The following PCDHGA1 variants were observed in gnomAD, a reference collection of about 807,000 sequenced individuals.
The protein encoded by PCDHGA1 is protocadherin gamma subfamily A, 1.
Under a neutral mutation model 58.0 loss-of-function variants are expected in PCDHGA1, and 32 were observed. That is an observed-to-expected ratio of 0.55 (90% CI 0.42 to 0.74). The LOEUF is 0.74. Among genes scored for constraint, PCDHGA1 ranks in the 30% least tolerant of loss-of-function variants. The pLI is 0.00. For synonymous variants in PCDHGA1, 498 were observed against 501.1 expected (o/e 0.99, Z 0.08); for missense variants, 1,205 against 1,182.3 (o/e 1.02, Z -0.28).
At chr5:141,392,859 CT>C in intron 1 of PCDHGA1, 1 of 1,612,504 alleles carries the variant, frequency 6.2e-7, no homozygotes, top group Non-Finnish European at 8.5e-7. Flanking sequence ...GCTGATCCTG[CT>C]GTGCGCGCTG....
intron 1 of PCDHGA1, chr5:141,404,338 G>A (rs752211796): frequency 1.9e-5 from 30 of 1,613,686 alleles, no homozygotes; most frequent in Non-Finnish European, 2.4e-5. Flanking sequence ...TCTACCTCCC[G>A]GAAAACAACG....
chr5:141,428,110 C>G (rs917739943), intron 1 of PCDHGA1: 11 of 1,607,538 alleles, frequency 6.8e-6, no homozygotes, highest in Middle Eastern at 3.4e-4. Context: ...GTGCTGCAGG[C>G]CATCGAGCCC....
chr5:141,460,416 A>C (rs966481039), intron 1 of PCDHGA1, among the ~76,000 whole-genome samples: 1 of 152,138 alleles, frequency 6.6e-6, no homozygotes, highest in African/African-American at 2.4e-5. Flanking sequence ...GTTGATGTTT[A>C]TGTATGGTGT....
chr5:141,403,007 C>T (rs774624797), intron 1 of PCDHGA1: 10 of 1,613,940 alleles, frequency 6.2e-6, no homozygotes, highest in Non-Finnish European at 8.5e-6. Context: ...GCTATGCTCG[C>T]TCCTGGGGAT....
intron 1 of PCDHGA1, chr5:141,404,610 T>G (rs1207198913): frequency 6.2e-7 from 1 of 1,614,130 alleles, no homozygotes. Context: ...CTGTTTGTTT[T>G]GGACCAGAAT....
chr5:141,336,586 C>G (rs1235585533), intron 1 of PCDHGA1, among the ~76,000 whole-genome samples: 3 of 152,044 alleles, frequency 2.0e-5, no homozygotes, highest in Non-Finnish European at 2.9e-5. Flanking sequence ...TCCACTTATG[C>G]CACATACAAA....
chr5:141,420,205 C>T (rs776838072), intron 1 of PCDHGA1: 14 of 1,612,942 alleles, frequency 8.7e-6, no homozygotes, highest in African/African-American at 1.3e-5. Context: ...ATAACCTCAA[C>T]AAAGATAGCA....
intron 1 of PCDHGA1, chr5:141,350,329 C>T (rs916472281): frequency 5.2e-6 from 8 of 1,536,508 alleles, no homozygotes; most frequent in Non-Finnish European, 7.0e-6. Flanking sequence ...TGTCTTTGTT[C>T]TGCGGGGCCA....
At chr5:141,403,300 G>C (rs1469024873) in intron 1 of PCDHGA1, 4 of 1,613,892 alleles carry the variant, frequency 2.5e-6, no homozygotes, top group Non-Finnish European at 3.4e-6. Context: ...GAGTGAAACT[G>C]TACGGAATAG....
intron 1 of PCDHGA1, chr5:141,340,129 C>A (rs1443877552): frequency 6.2e-7 from 1 of 1,614,144 alleles, no homozygotes; most frequent in South Asian, 1.1e-5. Flanking sequence ...CCTGTTCACT[C>A]CCCGAGGATC....
chr5:141,424,860 A>C (rs2154550951), intron 1 of PCDHGA1, among the ~76,000 whole-genome samples: 1 of 152,340 alleles, frequency 6.6e-6, no homozygotes. Flanking sequence ...TGTCTAGGAA[A>C]GCCAAATGAG....
chr5:141,497,858 C>T (rs920483410), intron 2 of PCDHGA1, among the ~76,000 whole-genome samples: 3 of 152,218 alleles, frequency 2.0e-5, no homozygotes, highest in Non-Finnish European at 2.9e-5. Flanking sequence ...TTTGATTCAG[C>T]GGCTCCAAAG....
intron 1 of PCDHGA1, among the ~76,000 whole-genome samples, chr5:141,467,814 A>G (rs2099152300): frequency 6.6e-6 from 1 of 151,978 alleles, no homozygotes; most frequent in Non-Finnish European, 1.5e-5. Flanking sequence ...ACATGCCACC[A>G]CACCAGGCTG....
At chr5:141,484,857 G>C in intron 1 of PCDHGA1, 1 of 264,370 alleles carries the variant, frequency 3.8e-6, no homozygotes. Flanking sequence ...TTTTTGGGGG[G>C]TGGGGGAGCG....
chr5:141,492,695 A>G (rs925499358), intron 1 of PCDHGA1, among the ~76,000 whole-genome samples: 14 of 152,214 alleles, frequency 9.2e-5, no homozygotes, highest in African/African-American at 3.1e-4. Context: ...CGACCCCTCA[A>G]CCCAGAAGCC....
At position 141,344,818 on chromosome 5, in the gene PCDHGA1, T is replaced by A. The variant is rs758739920; in HGVS notation, c.2421+11713T>A. ...AACGTGCCTGTGGGTACCCGGCTGC[T>A]CACGGTGAATGCCACTGACCCTGAC... On this transcript the variant is annotated intron_variant, in intron 1 of 3. Transcript: ENST00000517417. 6.8e-6 allele frequency: 11 copies of A among 1,613,878 alleles called. No homozygotes were observed. The highest frequency in any genetic ancestry group is 1.7e-5 in the Admixed American group (1 of 60,002).
chr5:141,433,460 T>C (rs892333304), intron 1 of PCDHGA1, among the ~76,000 whole-genome samples: 1 of 152,064 alleles, frequency 6.6e-6, no homozygotes, highest in Non-Finnish European at 1.5e-5. Context: ...GATCTGAAAC[T>C]TGGGCTCAGG....
intron 1 of PCDHGA1, chr5:141,376,285 C>T (rs1303749719): frequency 5.0e-6 from 8 of 1,614,112 alleles, no homozygotes; most frequent in Admixed American, 1.7e-5. Flanking sequence ...GCTTAGCGAG[C>T]ATGCCCGGCT....
At chr5:141,478,644 T>G in intron 1 of PCDHGA1, 1 of 1,552,238 alleles carries the variant, frequency 6.4e-7, no homozygotes, top group South Asian at 1.2e-5. Context: ...GATGAAGATG[T>G]TTTCCTGGTG....
Sources: allele counts gnomAD v4.1 joint callset (sites outside exome capture counted in the v4.1 genomes callset), GRCh38; gene constraint gnomAD v4.1.1; transcripts MANE v1.5; gene names NCBI Gene and HGNC (gene_info 2026-07-23, HGNC 2026-07-21).